RNF150: variants seen among roughly 807,000 people sequenced by gnomAD.
RNF150 encodes the protein ring finger protein 150.
In RNF150, 24 loss-of-function variants were observed where a neutral mutation model predicts 39.3. The ratio of observed to expected loss-of-function variants is 0.61; its 90% CI spans 0.44 to 0.86. The LOEUF (loss-of-function observed/expected upper bound fraction) is 0.86, where lower values mean the gene tolerates loss of function less well. RNF150 is among the 40% of genes least tolerant of loss of function. RNF150 has a pLI of 0.00. For missense variants in RNF150, 502 were observed against 587.8 expected (o/e 0.85, Z 1.51); for synonymous variants, 255 against 227.3 (o/e 1.12, Z -1.10).
intron 3 of RNF150, among the ~76,000 whole-genome samples, 162 bp from the exon 4 acceptor site, chr4:140,947,898 C>T (rs1732386715): frequency 6.6e-6 from 1 of 152,208 alleles, no homozygotes; most frequent in African/African-American, 2.4e-5. Flanking sequence ...GTTTCCATTC[C>T]TTCCAACCTC....
chr4:141,087,313 A>C (rs1738404301), intron 1 of RNF150, among the ~76,000 whole-genome samples: 1 of 152,200 alleles, frequency 6.6e-6, no homozygotes, highest in African/African-American at 2.4e-5. Flanking sequence ...AAAAGACATG[A>C]CCATGGTTTT....
chr4:141,152,285 CT>C (rs1243590843), intron 1 of RNF150, among the ~76,000 whole-genome samples: 1 of 152,202 alleles, frequency 6.6e-6, no homozygotes, highest in African/African-American at 2.4e-5. Flanking sequence ...AACACCCACA[CT>C]GGAATTTTGT....
intron 1 of RNF150, among the ~76,000 whole-genome samples, chr4:141,020,656 ACT>A (rs1227298497): frequency 6.6e-6 from 1 of 152,088 alleles, no homozygotes; most frequent in East Asian, 1.9e-4. Flanking sequence ...AACATGGCAA[ACT>A]CTATAAACTA....
chr4:140,999,952 A>AG, intron 1 of RNF150, among the ~76,000 whole-genome samples: 1 of 38,352 alleles, frequency 2.6e-5, no homozygotes, highest in Admixed American at 4.6e-4. Flanking sequence ...AAAGAAGAAG[A>AG]AGAAGAAGAA....
chr4:140,958,003 C>A (rs1268991912), intron 2 of RNF150, among the ~76,000 whole-genome samples: 1 of 151,772 alleles, frequency 6.6e-6, no homozygotes, highest in Non-Finnish European at 1.5e-5. Flanking sequence ...TGTAACTAAC[C>A]TGCACATTGT....
At chr4:141,193,695 C>T (rs1340363430) in intron 1 of RNF150, among the ~76,000 whole-genome samples, 1 of 152,114 alleles carries the variant, frequency 6.6e-6, no homozygotes, top group East Asian at 1.9e-4. Context: ...CCAAATGTGG[C>T]ACAATAGAGC....
At chr4:140,899,274 A>G (rs1430856354) in intron 6 of RNF150, among the ~76,000 whole-genome samples, 1 of 152,200 alleles carries the variant, frequency 6.6e-6, no homozygotes, top group Non-Finnish European at 1.5e-5. Context: ...AATGTGGCCC[A>G]GGATTGCTGC....
intron 1 of RNF150, among the ~76,000 whole-genome samples, chr4:141,163,472 C>T (rs1727549067): frequency 6.6e-6 from 1 of 152,246 alleles, no homozygotes; most frequent in South Asian, 2.1e-4. Context: ...AGACTGCCTC[C>T]TTAACTGGGT....
At chr4:140,884,933 G>C in intron 6 of RNF150, among the ~76,000 whole-genome samples, 1 of 152,198 alleles carries the variant, frequency 6.6e-6, no homozygotes, top group Non-Finnish European at 1.5e-5. Context: ...TTTTCCTCCT[G>C]GGCTTCCAAG....
intron 1 of RNF150, among the ~76,000 whole-genome samples, chr4:140,971,653 TC>T (rs200254740): frequency 0.01 from 1,533 of 152,196 alleles, 12 homozygotes; most frequent in Non-Finnish European, 0.017. Context: ...CAGAGGAGCA[TC>T]CTGTATTTTT....
chr4:141,013,834 T>C (rs1735163037), intron 1 of RNF150, among the ~76,000 whole-genome samples: 1 of 152,208 alleles, frequency 6.6e-6, no homozygotes, highest in Non-Finnish European at 1.5e-5. Context: ...TCTTTTTTTG[T>C]GGTGAAACAT....
In RNF150 at chr4:140,958,816, G is replaced by C. The variant is rs571393532; in HGVS notation, c.735+8807C>G. ...CCAGGGGCATGATCAGGGCTGGTGA[G>C]GAGAGAGAGGTCTGTCATGGTATTC... On this transcript the variant is annotated intron_variant, in intron 2 of 6. Transcript: ENST00000515673. Among the ~76,000 whole-genome samples, 51 of 152,246 alleles carry C rather than the reference G, an allele frequency of 3.3e-4. No individual in the cohort carries two copies. In the South Asian group the frequency reaches 3.7e-3, roughly 11 times the overall value.
At chr4:141,037,837 T>C (rs1320301553) in intron 1 of RNF150, among the ~76,000 whole-genome samples, 19 of 152,190 alleles carry the variant, frequency 1.2e-4, no homozygotes, top group Admixed American at 1.2e-3. Context: ...GGGCACTATG[T>C]ACACCTACAC....
chr4:141,188,039 C>T (rs1323420987), intron 1 of RNF150, among the ~76,000 whole-genome samples: 2 of 152,062 alleles, frequency 1.3e-5, no homozygotes, highest in Non-Finnish European at 2.9e-5. Flanking sequence ...TAAGGCAAGC[C>T]TGGTGGTGAC....
chr4:141,025,034 T>C (rs1735644101), intron 1 of RNF150, among the ~76,000 whole-genome samples: 2 of 152,168 alleles, frequency 1.3e-5, no homozygotes, highest in African/African-American at 4.8e-5. Context: ...AGGGATTAAC[T>C]TTTTCTTTGG....
At chr4:140,891,162 CT>C (rs570488971) in intron 6 of RNF150, among the ~76,000 whole-genome samples, 7 of 152,030 alleles carry the variant, frequency 4.6e-5, no homozygotes, top group South Asian at 2.1e-4. Context: ...TTCTAACACA[CT>C]TTTTTTTATA....
intron 1 of RNF150, among the ~76,000 whole-genome samples, chr4:141,057,212 T>C (rs1287926404): frequency 6.6e-6 from 1 of 152,050 alleles, no homozygotes; most frequent in East Asian, 1.9e-4. Context: ...ATGGCAGGCA[T>C]ATGGTAACAT....
chr4:141,000,089 GAAGAAGAA>G, intron 1 of RNF150, among the ~76,000 whole-genome samples: 1 of 112,296 alleles, frequency 8.9e-6, no homozygotes, highest in Admixed American at 9.9e-5. Context: ...AGAAGAAGGA[GAAGAAGAA>G]GAAGAAGAAG....
chr4:140,932,261 A>C (rs897887297), intron 4 of RNF150, among the ~76,000 whole-genome samples: 1 of 152,238 alleles, frequency 6.6e-6, no homozygotes, highest in Non-Finnish European at 1.5e-5. Flanking sequence ...ACTGTCAATA[A>C]AGAGTGAATT....
Sources: allele counts gnomAD v4.1 joint callset (sites outside exome capture counted in the v4.1 genomes callset), GRCh38; gene constraint gnomAD v4.1.1; transcripts MANE v1.5; gene names NCBI Gene and HGNC (gene_info 2026-07-23, HGNC 2026-07-21).